The following RBM34 variants were observed in gnomAD, a reference collection of about 807,000 sequenced individuals.
The protein encoded by RBM34 is RNA binding motif protein 34.
Under a neutral mutation model 44.6 loss-of-function variants are expected in RBM34, and 39 were observed. The observed-to-expected ratio is 0.87, with a 90% CI of 0.68 to 1.14. The LOEUF is 1.14. Among genes scored for constraint, RBM34 ranks in the 50% most tolerant of loss-of-function variants. The probability of loss-of-function intolerance (pLI) is 0.00; values close to 1 mark genes in which losing one functional copy is unlikely to be tolerated. For synonymous variants in RBM34, 194 were observed against 184.0 expected (o/e 1.05, Z -0.44); for missense variants, 572 against 517.9 (o/e 1.10, Z -1.01).
intron 3 of RBM34, among the ~76,000 whole-genome samples, chr1:235,157,148 T>C (rs1401779598): frequency 6.6e-6 from 1 of 152,128 alleles, no homozygotes; most frequent in African/African-American, 2.4e-5. Flanking sequence ...CACTGAAGAC[T>C]TTGAGAGCAT....
intron 3 of RBM34, among the ~76,000 whole-genome samples, chr1:235,155,870 T>TATAC (rs1662418923): frequency 8.2e-5 from 3 of 36,596 alleles, no homozygotes; most frequent in African/African-American, 3.4e-4. Flanking sequence ...TATATATACA[T>TATAC]ATATACTTTT....
chr1:235,141,098 G>C (rs34629680), intron 6 of RBM34, among the ~76,000 whole-genome samples: 5 of 138,338 alleles, frequency 3.6e-5, no homozygotes, highest in Non-Finnish European at 7.8e-5. Context: ...TACACCAATC[G>C]GCACTCTGTA....
In RBM34 at chr1:235,135,587, T is replaced by C. The variant is rs1661392718; in HGVS notation, c.1008+65A>G. 7 of 1,285,650 alleles carry C rather than the reference T, an allele frequency of 5.4e-6. No homozygotes were observed. The Admixed American group carries it at 8.6e-5, about 16-fold the overall frequency. 79.6% of individuals were successfully genotyped at this position (1,285,650 alleles called of 1,614,324 possible). On this transcript the variant is annotated intron_variant, in intron 10 of 10. Transcript: ENST00000408888. ...TGAAAGTTATGTCTCAATGATGACA[T>C]GCAACAGTGTCAATGCCTCCCAGGG...
intron 6 of RBM34, among the ~76,000 whole-genome samples, chr1:235,143,505 G>A (rs1661773230): frequency 6.6e-6 from 1 of 152,208 alleles, no homozygotes; most frequent in South Asian, 2.1e-4. Flanking sequence ...GCAGTCTGAG[G>A]CGGGCGGATC....
At chr1:235,143,686 C>A (rs1027727155) in intron 6 of RBM34, among the ~76,000 whole-genome samples, 1 of 151,964 alleles carries the variant, frequency 6.6e-6, no homozygotes, top group African/African-American at 2.4e-5. Flanking sequence ...TGCAATTAGC[C>A]GAGATGGTAC....
chr1:235,152,938 A>G (rs1662226749), intron 4 of RBM34, among the ~76,000 whole-genome samples, 173 bp from the exon 5 acceptor site: 1 of 146,058 alleles, frequency 6.8e-6, no homozygotes. Context: ...GTGTGATCTC[A>G]GCTCACTGCA....
At chr1:235,142,650 G>A (rs1266442865) in intron 6 of RBM34, among the ~76,000 whole-genome samples, 3 of 151,892 alleles carry the variant, frequency 2.0e-5, no homozygotes, top group Non-Finnish European at 2.9e-5. Context: ...ACCTCTGGGC[G>A]TGTGTGGTGG....
At chr1:235,158,100 G>A (rs996289735) in intron 3 of RBM34, among the ~76,000 whole-genome samples, 4 of 151,986 alleles carry the variant, frequency 2.6e-5, no homozygotes, top group African/African-American at 7.2e-5. Flanking sequence ...TTAGAATCGT[G>A]AGCACGTCTA....
chr1:235,136,576 G>A (rs1661442681), intron 8 of RBM34, among the ~76,000 whole-genome samples: 1 of 152,174 alleles, frequency 6.6e-6, no homozygotes, highest in Non-Finnish European at 1.5e-5. Context: ...AGTCAAGCCA[G>A]GGCTTTCATC....
intron 10 of RBM34, among the ~76,000 whole-genome samples, chr1:235,134,112 C>T (rs1038160146): frequency 2.6e-5 from 4 of 152,136 alleles, no homozygotes; most frequent in Non-Finnish European, 5.9e-5. Context: ...GCCTCGACCT[C>T]CCAAGGTTCA....
rs373794689 is a variant in RBM34 at position 235,153,975 on chromosome 1, G to A, written c.597+906C>T. Among the ~76,000 whole-genome samples, 50 of 152,266 alleles carry A rather than the reference G, an allele frequency of 3.3e-4. 1 individual carries two copies. In the East Asian group the frequency reaches 8.1e-3, roughly 25 times the overall value. ...CAAGAGACAGAACGAGGCTGGGTGC[G>A]GTTGCTCATGCCTGTAATCCCAGCA... On this transcript the variant is annotated intron_variant, in intron 4 of 10. Coordinates refer to ENST00000408888, the MANE Select transcript of RBM34 (RefSeq NM_015014.4).
intron 6 of RBM34, among the ~76,000 whole-genome samples, chr1:235,145,360 C>T (rs1661858900): frequency 6.6e-6 from 1 of 151,908 alleles, no homozygotes; most frequent in Non-Finnish European, 1.5e-5. Context: ...TCACTGCAGC[C>T]TCCATTCTCC....
At chr1:235,137,219 T>C (rs1049214734) in intron 8 of RBM34, among the ~76,000 whole-genome samples, 1 of 152,190 alleles carries the variant, frequency 6.6e-6, no homozygotes, top group Non-Finnish European at 1.5e-5. Flanking sequence ...TCCTAGGAAG[T>C]TGAGACTATG....
chr1:235,144,588 A>G (rs1166304965), intron 6 of RBM34, among the ~76,000 whole-genome samples: 3 of 152,068 alleles, frequency 2.0e-5, no homozygotes, highest in South Asian at 4.1e-4. Context: ...AGCCAAGTCA[A>G]AAAGCCAACA....
chr1:235,155,199 T>C (rs777732878), intron 3 of RBM34, 87 bp from the exon 4 acceptor site: 2 of 1,035,008 alleles, frequency 1.9e-6, no homozygotes, highest in Middle Eastern at 2.0e-4. Flanking sequence ...CCCTCCCGAC[T>C]AGAAATATTT....
At chr1:235,145,640 G>T (rs1410087170) in intron 6 of RBM34, among the ~76,000 whole-genome samples, 1 of 152,122 alleles carries the variant, frequency 6.6e-6, no homozygotes, top group African/African-American at 2.4e-5. Context: ...ACATAAATAG[G>T]TTGCAATCTC....
chr1:235,147,080 T>A (rs941880850), intron 6 of RBM34, among the ~76,000 whole-genome samples: 5 of 151,794 alleles, frequency 3.3e-5, no homozygotes, highest in African/African-American at 4.8e-5. Context: ...TAAAATAAAA[T>A]AAATTAGCCA....
intron 5 of RBM34, among the ~76,000 whole-genome samples, chr1:235,152,297 G>A (rs185166688): frequency 6.6e-6 from 1 of 152,248 alleles, no homozygotes; most frequent in East Asian, 1.9e-4. Flanking sequence ...TTCTTTATCT[G>A]TCTGTGCTCA....
Position 235,135,754 on chromosome 1 carries a change from G to A in RBM34, c.906C>T (p.Ala302=). The change falls in exon 10 of 11, where the codon GCC becomes GCT. Residue 302 remains alanine, a synonymous_variant. Coordinates refer to ENST00000408888, the MANE Select transcript of RBM34 (RefSeq NM_015014.4). ...CACAGTCCAGAAAGTGCTTCTCAAT[G>A]GCAGATTCTTCAACTTCTGAAAACA... ...GNLPYKVEES[A]IEKHFLDCGS... The A allele has an allele frequency of 6.2e-7, 1 of 1,613,760 alleles. No homozygotes were observed. Among genetic ancestry groups the A allele is most frequent in the Non-Finnish European group, 8.5e-7 (1 of 1,179,740 alleles).
Sources: allele counts gnomAD v4.1 joint callset (sites outside exome capture counted in the v4.1 genomes callset), GRCh38; gene constraint gnomAD v4.1.1; transcripts MANE v1.5; gene names NCBI Gene and HGNC (gene_info 2026-07-23, HGNC 2026-07-21).